The following GABBR2 variants were observed in gnomAD, a reference collection of about 807,000 sequenced individuals.
GABBR2 encodes gamma-aminobutyric acid type B receptor subunit 2, also known as G-protein coupled receptor 51.
In GABBR2, 23 loss-of-function variants were observed where a neutral mutation model predicts 105.6. The observed-to-expected ratio is 0.22, with a 90% CI of 0.16 to 0.31. The LOEUF is 0.31. Ranked by LOEUF, GABBR2 falls within the 10% of genes least tolerant of loss-of-function variation. The pLI is 1.00. For missense variants in GABBR2, 734 were observed against 1,245.5 expected, an observed-to-expected ratio of 0.59 and a Z score of 6.18; for synonymous variants, 478 against 499.7, an observed-to-expected ratio of 0.96 and a Z score of 0.58.
In GABBR2 at chr9:98,607,014, C is replaced by T. The variant is rs1829434774; in HGVS notation, c.322-28942G>A. 2.9e-6 allele frequency: 3 copies of T among 1,021,938 alleles called. No homozygotes were observed. The South Asian group carries it at 3.8e-5, about 13-fold the overall frequency. 63.3% of individuals were successfully genotyped at this position (1,021,938 alleles called of 1,614,324 possible). On this transcript the variant is annotated intron_variant, in intron 1 of 18. Transcript: ENST00000259455. ...TCGCTCGGTAGCTCAACAGAAGACC[C>T]CTGAAGGCTATGTGGGATTTGCCAA...
chr9:98,403,281 G>A (rs1256867125), intron 8 of GABBR2, among the ~76,000 whole-genome samples: 1 of 115,190 alleles, frequency 8.7e-6, no homozygotes, highest in East Asian at 2.6e-4. Context: ...GTGACACAGT[G>A]AGACTCCGTC....
intron 1 of GABBR2, among the ~76,000 whole-genome samples, chr9:98,597,586 G>A (rs1237499115): frequency 1.3e-5 from 2 of 152,124 alleles, no homozygotes; most frequent in Non-Finnish European, 2.9e-5. Flanking sequence ...GCCTGTCTGT[G>A]CACTCACCCA....
chr9:98,374,363 G>A (rs1163367572), intron 11 of GABBR2, among the ~76,000 whole-genome samples: 1 of 152,208 alleles, frequency 6.6e-6, no homozygotes, highest in African/African-American at 2.4e-5. Flanking sequence ...AATAGCTGAG[G>A]ATGCCTGGGC....
intron 13 of GABBR2, among the ~76,000 whole-genome samples, chr9:98,344,761 C>T (rs1831275812): frequency 6.6e-6 from 1 of 152,126 alleles, no homozygotes; most frequent in Non-Finnish European, 1.5e-5. Flanking sequence ...GGGACTTCTT[C>T]ACTTCTCACT....
At chr9:98,481,150 C>T (rs946584598) in intron 4 of GABBR2, among the ~76,000 whole-genome samples, 153 bp from the exon 5 acceptor site, 3 of 152,224 alleles carry the variant, frequency 2.0e-5, no homozygotes, top group Admixed American at 1.3e-4. Flanking sequence ...CCCCCAACCC[C>T]AGCCCAGCCT....
At chr9:98,473,420 G>A (rs1826725288) in intron 5 of GABBR2, 74 bp from the exon 6 acceptor site, 1 of 926,420 alleles carries the variant, frequency 1.1e-6, no homozygotes, top group Admixed American at 2.0e-5. Context: ...GAAGACAGGT[G>A]GGGAGGAAGG....
At chr9:98,589,880 T>A (rs1217504401) in intron 1 of GABBR2, among the ~76,000 whole-genome samples, 4 of 152,000 alleles carry the variant, frequency 2.6e-5, no homozygotes, top group South Asian at 4.2e-4. Context: ...ACCACCACAC[T>A]AATTTTTTAA....
Position 98,293,877 on chromosome 9 carries a change from AT to A in GABBR2, c.2567del (p.Asn856IlefsTer24). On this transcript the variant is annotated frameshift_variant, in exon 18 of 19. Transcript: ENST00000259455. LOFTEE classifies it high-confidence loss of function. ...GTAGCTGGGGATTTTGATCGAGGTGATTTTTTAAAATGGCCTTTCCTCCATC... is the reference window on the plus strand; with the variant it reads ...GTAGCTGGGGATTTTGATCGAGGTGATTTTTAAAATGGCCTTTCCTCCATC... ...STDGGKAILK[N>X]HLDQNPQLQW... 1.2e-6 allele frequency: 2 copies of A among 1,610,346 alleles called. No homozygotes were observed. The highest frequency in any genetic ancestry group is 1.7e-6 in the Non-Finnish European group (2 of 1,176,696).
intron 5 of GABBR2, among the ~76,000 whole-genome samples, chr9:98,475,319 T>C (rs928143934): frequency 1.3e-5 from 2 of 149,792 alleles, no homozygotes; most frequent in Non-Finnish European, 3.0e-5. Context: ...TTCTCTCTAA[T>C]GAATGAAATT....
intron 3 of GABBR2, among the ~76,000 whole-genome samples, chr9:98,519,965 T>G (rs565964165): frequency 6.6e-6 from 1 of 152,298 alleles, no homozygotes; most frequent in Admixed American, 6.5e-5. Flanking sequence ...AGGAAGGCTG[T>G]GGGAGAGAGG....
At chr9:98,414,290 G>A (rs547992418) in intron 7 of GABBR2, among the ~76,000 whole-genome samples, 101 of 152,346 alleles carry the variant, frequency 6.6e-4, no homozygotes, top group East Asian at 5.2e-3. Flanking sequence ...TGGCTGAGCC[G>A]AGAGCAAGGG....
chr9:98,581,638 A>G (rs1354720123), intron 1 of GABBR2, among the ~76,000 whole-genome samples: 2 of 152,066 alleles, frequency 1.3e-5, no homozygotes, highest in Admixed American at 1.3e-4. Flanking sequence ...CGAGCAGATA[A>G]TAACAGAGTA....
intron 1 of GABBR2, among the ~76,000 whole-genome samples, chr9:98,705,459 T>C (rs1472239252): frequency 6.6e-6 from 1 of 152,240 alleles, no homozygotes; most frequent in African/African-American, 2.4e-5. Context: ...AGGTCCATAC[T>C]GGTGCCCATA....
intron 1 of GABBR2, among the ~76,000 whole-genome samples, chr9:98,596,633 A>G (rs2131800609): frequency 6.6e-6 from 1 of 152,284 alleles, no homozygotes; most frequent in East Asian, 1.9e-4. Flanking sequence ...ACAGGACCAT[A>G]TGGGGACCTG....
intron 3 of GABBR2, among the ~76,000 whole-genome samples, chr9:98,534,362 G>A (rs1327222961): frequency 6.6e-6 from 1 of 152,132 alleles, no homozygotes; most frequent in Non-Finnish European, 1.5e-5. Flanking sequence ...AAAGGGAAAG[G>A]CAGCCATGCT....
At chr9:98,371,781 C>T (rs1212952636) in intron 11 of GABBR2, among the ~76,000 whole-genome samples, 1 of 152,248 alleles carries the variant, frequency 6.6e-6, no homozygotes, top group Non-Finnish European at 1.5e-5. Context: ...TCACTAGGCA[C>T]ACAGGAGTGC....
At chr9:98,556,675 C>T (rs1828590785) in intron 2 of GABBR2, among the ~76,000 whole-genome samples, 1 of 152,170 alleles carries the variant, frequency 6.6e-6, no homozygotes, top group South Asian at 2.1e-4. Context: ...CGCCACCAAC[C>T]TGCTAGGCCT....
At chr9:98,572,864 C>T (rs528843608) in intron 2 of GABBR2, among the ~76,000 whole-genome samples, 32 of 152,292 alleles carry the variant, frequency 2.1e-4, no homozygotes, top group African/African-American at 7.0e-4. Flanking sequence ...TCCAAGCCCC[C>T]CCAGCATGCC....
intron 13 of GABBR2, among the ~76,000 whole-genome samples, chr9:98,353,075 C>T (rs971404087): frequency 3.9e-5 from 6 of 152,062 alleles, no homozygotes; most frequent in African/African-American, 1.4e-4. Flanking sequence ...CCAGGCAGCT[C>T]CCTATACTAA....
Sources: gnomAD v4.1 joint callset for allele counts (sites outside exome capture counted in the v4.1 genomes callset) on GRCh38, gnomAD v4.1.1 for gene constraint, MANE v1.5 for transcripts, NCBI Gene and HGNC (gene_info 2026-07-23, HGNC 2026-07-21) for gene names.